The following ACYP2 variants were observed in gnomAD, a reference collection of about 807,000 sequenced individuals.
ACYP2 encodes acylphosphatase-2.
A neutral mutation model predicts 11.2 loss-of-function variants in ACYP2; 12 were observed. The ratio of observed to expected loss-of-function variants is 1.08; its 90% CI spans 0.69 to 1.74. The LOEUF is 1.74. Ranked by LOEUF, ACYP2 falls within the 40% of genes most tolerant of loss-of-function variation. The pLI is 0.00. For synonymous variants in ACYP2, 43 were observed against 32.2 expected (o/e 1.33, Z -1.13); for missense variants, 134 against 101.9 (o/e 1.31, Z -1.35).
At position 54,201,608 on chromosome 2, in the gene ACYP2, CTT is replaced by C. The variant is rs551511188; in HGVS notation, c.404+62862_404+62863del. ...TTTCTTTCTTTCTCTTTCTTTCTTT[CTT>C]TCTTTCTTTCTTTGTTTCTTTCTTT... On this transcript the variant is annotated intron_variant, in intron 6 of 6. Coordinates refer to ENST00000607452, the MANE Select transcript of ACYP2 (RefSeq NM_001320586.2). Among the ~76,000 whole-genome samples, 451 of 79,774 alleles carry C rather than the reference CTT, an allele frequency of 5.7e-3. 5 individuals are homozygous for C. The highest frequency in any genetic ancestry group is 0.019 in the African/African-American group (387 of 20,568). The allele number at this position is 79,774 out of a possible 152,430, so 52.3% of individuals were successfully genotyped here.
intron 6 of ACYP2, among the ~76,000 whole-genome samples, chr2:54,159,287 G>C (rs1338822542): frequency 6.6e-6 from 1 of 151,874 alleles, no homozygotes; most frequent in Admixed American, 6.6e-5. Context: ...GGCATACCTG[G>C]GTGGTGGTGG....
At chr2:54,214,524 AACTTTG>A (rs1685477649) in intron 6 of ACYP2, among the ~76,000 whole-genome samples, 1 of 152,132 alleles carries the variant, frequency 6.6e-6, no homozygotes, top group African/African-American at 2.4e-5. Context: ...TGTTATTGTC[AACTTTG>A]TCAAAGATCA....
intron 6 of ACYP2, among the ~76,000 whole-genome samples, chr2:54,303,822 A>G (rs1689816563): frequency 6.6e-6 from 1 of 152,260 alleles, no homozygotes; most frequent in South Asian, 2.1e-4. Context: ...CAACTGAGAT[A>G]ACAGCCATCA....
intron 4 of ACYP2, among the ~76,000 whole-genome samples, chr2:54,081,242 A>G (rs1244283443): frequency 6.6e-6 from 1 of 152,152 alleles, no homozygotes; most frequent in Non-Finnish European, 1.5e-5. Context: ...GAAAAACTCT[A>G]TCTCAAAATA....
intron 1 of ACYP2, among the ~76,000 whole-genome samples, chr2:53,973,027 G>A (rs1671251308): frequency 6.6e-6 from 1 of 152,156 alleles, no homozygotes; most frequent in South Asian, 2.1e-4. Context: ...TTTAAGGACA[G>A]ACAGAGAAAA....
At chr2:54,043,866 T>A (rs1417721162) in intron 2 of ACYP2, among the ~76,000 whole-genome samples, 1 of 152,192 alleles carries the variant, frequency 6.6e-6, no homozygotes, top group Admixed American at 6.5e-5. Flanking sequence ...GGCTGGGGGC[T>A]AGCTGTGATT....
chr2:54,185,637 T>G lies in ACYP2; in HGVS notation c.404+46889T>G, dbSNP rs180869956. Among the ~76,000 whole-genome samples, 278 of 152,282 alleles carry G rather than the reference T, an allele frequency of 1.8e-3. 1 individual carries two copies. The highest frequency in any genetic ancestry group is 3.4e-3 in the Middle Eastern group (1 of 294). ...TACAGATATTGGCCAGTTAGGTTAA[T>G]GAAATAGAATAGAAAGTCTAGATAG... On this transcript the variant is annotated intron_variant, in intron 6 of 6. Transcript: ENST00000607452.
intron 4 of ACYP2, among the ~76,000 whole-genome samples, chr2:54,064,005 T>A (rs576060214): frequency 4.3e-4 from 65 of 152,286 alleles, no homozygotes; most frequent in African/African-American, 1.3e-3. Flanking sequence ...TTTCTTTTTC[T>A]TTTCTTTTCC....
At chr2:54,176,419 G>T (rs1479238144) in intron 6 of ACYP2, among the ~76,000 whole-genome samples, 1 of 152,190 alleles carries the variant, frequency 6.6e-6, no homozygotes, top group Non-Finnish European at 1.5e-5. Flanking sequence ...AAGTGTCTCT[G>T]ATGGTTGTTG....
intron 4 of ACYP2, among the ~76,000 whole-genome samples, chr2:54,092,506 G>A (rs745334015): frequency 2.0e-5 from 3 of 152,162 alleles, no homozygotes; most frequent in Non-Finnish European, 2.9e-5. Context: ...ATTTATCAGG[G>A]ATGAGGAATG....
At chr2:53,991,363 A>G (rs1373277926) in intron 2 of ACYP2, among the ~76,000 whole-genome samples, 29 of 151,846 alleles carry the variant, frequency 1.9e-4, no homozygotes, top group Admixed American at 1.8e-3. Context: ...TTTCTCTTGG[A>G]TACATACCTA....
At chr2:54,176,836 T>G (rs983444853) in intron 6 of ACYP2, among the ~76,000 whole-genome samples, 2 of 152,166 alleles carry the variant, frequency 1.3e-5, no homozygotes, top group Non-Finnish European at 2.9e-5. Flanking sequence ...CTTGCTTTAT[T>G]CAGTTTGGAC....
chr2:53,999,992 G>T (rs1457715948), intron 2 of ACYP2, among the ~76,000 whole-genome samples: 1 of 152,110 alleles, frequency 6.6e-6, no homozygotes, highest in Non-Finnish European at 1.5e-5. Context: ...ATCTTAATTA[G>T]AGGGGTTCTT....
At chr2:54,073,466 G>T (rs1321597931) in intron 4 of ACYP2, among the ~76,000 whole-genome samples, 1 of 152,140 alleles carries the variant, frequency 6.6e-6, no homozygotes, top group Non-Finnish European at 1.5e-5. Flanking sequence ...TATGACTTTG[G>T]AAAGGCAATG....
intron 4 of ACYP2, among the ~76,000 whole-genome samples, chr2:54,125,811 G>C (rs56065786): frequency 6.6e-6 from 1 of 152,118 alleles, no homozygotes; most frequent in African/African-American, 2.4e-5. Flanking sequence ...GCTGGGCACA[G>C]TGGCTCACGC....
At chr2:54,221,404 C>T (rs113220183) in intron 6 of ACYP2, among the ~76,000 whole-genome samples, 1 of 152,070 alleles carries the variant, frequency 6.6e-6, no homozygotes, top group Non-Finnish European at 1.5e-5. Flanking sequence ...GATGGCTAAC[C>T]TATCAGTTCT....
intron 6 of ACYP2, among the ~76,000 whole-genome samples, chr2:54,232,570 C>G (rs761137593): frequency 1.7e-4 from 26 of 152,128 alleles, no homozygotes; most frequent in Admixed American, 6.5e-4. Flanking sequence ...CCCCCAGTGT[C>G]AAAGGAAATG....
At chr2:54,128,933 C>G (rs1051081685) in intron 4 of ACYP2, among the ~76,000 whole-genome samples, 2 of 152,284 alleles carry the variant, frequency 1.3e-5, no homozygotes, top group African/African-American at 2.4e-5. Context: ...TCACAGTAAT[C>G]TCTGGAAACA....
At chr2:54,222,451 G>T (rs1238241600) in intron 6 of ACYP2, among the ~76,000 whole-genome samples, 1 of 151,508 alleles carries the variant, frequency 6.6e-6, no homozygotes, top group Non-Finnish European at 1.5e-5. Context: ...TCAGGAGGCT[G>T]AGGCATGAGC....
Sources: gnomAD v4.1 joint callset for allele counts (sites outside exome capture counted in the v4.1 genomes callset) on GRCh38, gnomAD v4.1.1 for gene constraint, MANE v1.5 for transcripts, NCBI Gene and HGNC (gene_info 2026-07-23, HGNC 2026-07-21) for gene names.